RAPSN: variants seen among roughly 807,000 people sequenced by gnomAD.
RAPSN encodes the protein 43 kDa receptor-associated protein of the synapse.
A neutral mutation model predicts 45.7 loss-of-function variants in RAPSN; 33 were observed. The observed-to-expected ratio is 0.72, with a 90% confidence interval of 0.55 to 0.97. The LOEUF is 0.97. RAPSN is among the 50% of genes least tolerant of loss of function. RAPSN has a pLI of 0.00. For missense variants in RAPSN, 519 were observed against 559.4 expected, an observed-to-expected ratio of 0.93 and a Z score of 0.73; for synonymous variants, 244 against 233.6, an observed-to-expected ratio of 1.04 and a Z score of -0.40.
chr11:47,441,117 G>A (rs1273663903), intron 6 of RAPSN, 42 bp downstream of exon 6: 1 of 1,612,374 alleles, frequency 6.2e-7, no homozygotes, highest in Admixed American at 1.7e-5. Flanking sequence ...TTCCCCACTT[G>A]GGCCCTTGAC....
chr11:47,447,324 T>C (rs2076414955), intron 2 of RAPSN, among the ~76,000 whole-genome samples: 1 of 152,034 alleles, frequency 6.6e-6, no homozygotes, highest in South Asian at 2.1e-4. Context: ...CTTCTCCAAC[T>C]AGAATGCAAC....
At chr11:47,447,064 A>G (rs2076412145) in intron 2 of RAPSN, among the ~76,000 whole-genome samples, 1 of 152,120 alleles carries the variant, frequency 6.6e-6, no homozygotes, top group Non-Finnish European at 1.5e-5. Flanking sequence ...ACATTCCAGG[A>G]AACATTCCAG....
In RAPSN at chr11:47,437,852, G is replaced by A; in HGVS notation, c.*123C>T. On this transcript the variant is annotated 3_prime_UTR_variant, in exon 8 of 8. Transcript: ENST00000298854. ...GGCCCAGGGGAGCAGCCCTGGGCAG[G>A]CCCCAAGGCCTTGGCTATGGTGAGG... 8.0e-7 allele frequency: 1 copy of A among 1,251,702 alleles called. No individual in the cohort carries two copies. The highest frequency in any genetic ancestry group is 1.1e-6 in the Non-Finnish European group (1 of 879,372). 77.5% of individuals were successfully genotyped at this position (1,251,702 alleles called of 1,614,324 possible).
intron 2 of RAPSN, among the ~76,000 whole-genome samples, chr11:47,444,468 G>C (rs1165513796): frequency 6.6e-6 from 1 of 152,002 alleles, no homozygotes; most frequent in Non-Finnish European, 1.5e-5. Context: ...GAACACAGGA[G>C]TTTTAGGTTA....
At position 47,442,821 on chromosome 11, in the gene RAPSN, G is replaced by C; in HGVS notation, c.532-7C>G. 6.2e-7 allele frequency: 1 copy of C among 1,613,860 alleles called. No homozygotes were observed. On this transcript the variant is annotated splice_region_variant and splice_polypyrimidine_tract_variant and intron_variant, in intron 2 of 7. Coordinates refer to ENST00000298854, the MANE Select transcript of RAPSN (RefSeq NM_005055.5). ...ACAGGGCTTTCTCGTAGTCCTGCAG[G>C]GGACATGGAATGGAAGGAGGCAAAC...
At chr11:47,445,861 A>G (rs1565686650) in intron 2 of RAPSN, among the ~76,000 whole-genome samples, 1 of 152,076 alleles carries the variant, frequency 6.6e-6, no homozygotes, top group Non-Finnish European at 1.5e-5. Flanking sequence ...CATTATTCTG[A>G]TAACTGAAAA....
At chr11:47,443,924 T>C (rs1256888369) in intron 2 of RAPSN, among the ~76,000 whole-genome samples, 1 of 59,296 alleles carries the variant, frequency 1.7e-5, no homozygotes, top group African/African-American at 5.7e-5. Flanking sequence ...AGGCAGACTC[T>C]GTCTCACAAA....
rs999205106 is a variant in RAPSN, at chr11:47,442,568, T to G, written c.690+88A>C. 4.7e-6 allele frequency: 7 copies of G among 1,485,652 alleles called. No individual in the cohort carries two copies. The Middle Eastern group carries it at 9.6e-4, about 204-fold the overall frequency. 92.0% of individuals were successfully genotyped at this position (1,485,652 alleles called of 1,614,324 possible). ...CCCTAGGGGGCTTCCATGGGCTGAT[T>G]TGGAAGAAGGAAGCCCTGCTGTCCC... is the stretch of plus-strand genomic sequence containing the variant. On this transcript the variant is annotated intron_variant, in intron 3 of 7. Transcript: ENST00000298854.
chr11:47,444,454 G>A (rs4752838), intron 2 of RAPSN, among the ~76,000 whole-genome samples: 46,108 of 151,744 alleles, frequency 0.3, 7,228 homozygotes, highest in Middle Eastern at 0.41. Flanking sequence ...AGGGAGGATC[G>A]CTTGAACACA....
chr11:47,444,701 C>CA (rs2076390901), intron 2 of RAPSN, among the ~76,000 whole-genome samples: 1 of 148,544 alleles, frequency 6.7e-6, no homozygotes, highest in Admixed American at 6.7e-5. Flanking sequence ...CACTAAAATA[C>CA]AAAAAAACTA....
In RAPSN at chr11:47,438,713, C is replaced by T; in HGVS notation, c.1166+19G>A. ...AAGAGATCCTGCCCACCCCTGTCCA[C>T]CCCCCCAGGAGCCCCCACCTGAGGT... On this transcript the variant is annotated intron_variant, in intron 7 of 7. Coordinates refer to ENST00000298854, the MANE Select transcript of RAPSN (RefSeq NM_005055.5). The T allele has an allele frequency of 6.5e-7, 1 of 1,548,838 alleles. No individual in the cohort carries two copies. Among genetic ancestry groups the T allele is most frequent in the South Asian group, 1.2e-5 (1 of 83,638 alleles).
chr11:47,442,707 G>T lies in RAPSN; in HGVS notation c.639C>A (p.Ala213=). The change falls in exon 3 of 8, where the codon GCC becomes GCA. Residue 213 remains alanine, a synonymous_variant. Transcript: ENST00000298854. ...GGCGGCCCAGCAGGCGATAGGCCACGGCCATGTGGTACTGGCTCATGGCCC... is the reference window on the plus strand; with the variant it reads ...GGCGGCCCAGCAGGCGATAGGCCACTGCCATGTGGTACTGGCTCATGGCCC... ...KYRAMSQYHM[A]VAYRLLGRLG... 1 of 1,614,208 alleles carries T rather than the reference G, an allele frequency of 6.2e-7. No homozygotes were observed. The highest frequency in any genetic ancestry group is 8.5e-7 in the Non-Finnish European group (1 of 1,180,042).
chr11:47,448,186 C>T, intron 1 of RAPSN, 36 bp from the exon 2 acceptor site: 1 of 1,597,724 alleles, frequency 6.3e-7, no homozygotes, highest in Non-Finnish European at 8.5e-7. Context: ...GGTGCTCAGC[C>T]TGGACTCTGA....
rs1272838959 is a variant in RAPSN, at chr11:47,437,993, C to T, written c.1221G>A (p.Met407Ile). The T allele has an allele frequency of 2.6e-6, 4 of 1,550,528 alleles. No homozygotes were observed. The East Asian group carries it at 9.8e-5, about 38-fold the overall frequency. Residue 407 changes from methionine (M) to isoleucine (I), a missense_variant, in exon 8 of 8, where the codon ATG becomes ATA. Met to Ile is a conservative substitution (Grantham distance 10). Coordinates refer to ENST00000298854, the MANE Select transcript of RAPSN (RefSeq NM_005055.5). ...RSCPNCRRSS[M>I]KPGFV ...CCAGGAGTCATACAAAGCCAGGCTT[C>T]ATGGATGAGCGGCGGCAGTTGGGAC...
chr11:47,446,682 G>A (rs2076408827), intron 2 of RAPSN, among the ~76,000 whole-genome samples: 1 of 152,172 alleles, frequency 6.6e-6, no homozygotes, highest in Non-Finnish European at 1.5e-5. Context: ...AAGACGGGCG[G>A]ATCCCTGAGG....
chr11:47,442,937 C>T, intron 2 of RAPSN, 123 bp from the exon 3 acceptor site: 1 of 1,495,638 alleles, frequency 6.7e-7, no homozygotes, highest in South Asian at 1.2e-5. Context: ...TCTGCTCATT[C>T]ATTGTGACAT....
chr11:47,449,014 C>T lies in RAPSN; in HGVS notation c.-50G>A. ...TGGGGTGATCCCTGGTGGCTCCGTGCCTCTAGGCACTCATGGGGCAGGAAT... is the reference window on the plus strand; with the variant it reads ...TGGGGTGATCCCTGGTGGCTCCGTGTCTCTAGGCACTCATGGGGCAGGAAT... On this transcript the variant is annotated 5_prime_UTR_variant, in exon 1 of 8. Transcript: ENST00000298854. 6.2e-7 allele frequency: 1 copy of T among 1,607,758 alleles called. No homozygotes were observed. Among genetic ancestry groups the T allele is most frequent in the South Asian group, 1.1e-5 (1 of 90,956 alleles).
At chr11:47,446,289 C>T (rs1319415902) in intron 2 of RAPSN, among the ~76,000 whole-genome samples, 2 of 152,000 alleles carry the variant, frequency 1.3e-5, no homozygotes, top group African/African-American at 2.4e-5. Context: ...ATCCTCACCC[C>T]TCAGCTTCTC....
intron 7 of RAPSN, chr11:47,438,515 G>A (rs2076332357): frequency 3.3e-6 from 2 of 598,558 alleles, no homozygotes; most frequent in East Asian, 2.8e-5. Flanking sequence ...TAGAGACGGG[G>A]TTTCACCATG....
Sources: gnomAD v4.1 joint callset for allele counts (sites outside exome capture counted in the v4.1 genomes callset) on GRCh38, gnomAD v4.1.1 for gene constraint, MANE v1.5 for transcripts, NCBI Gene and HGNC (gene_info 2026-07-23, HGNC 2026-07-21) for gene names.